TMEM184A: variants seen among roughly 807,000 people sequenced by gnomAD.
The protein encoded by TMEM184A is sexually dimorphic, expressed in male gonads 1.
In TMEM184A, 40 loss-of-function variants were observed where a neutral mutation model predicts 39.5. The observed-to-expected ratio is 1.01, with a 90% CI of 0.79 to 1.32. TMEM184A has a LOEUF of 1.32. Ranked by LOEUF, TMEM184A falls within the 40% of genes most tolerant of loss-of-function variation. TMEM184A has a pLI of 0.00. For missense variants in TMEM184A, 603 were observed against 568.8 expected, an observed-to-expected ratio of 1.06 and a Z score of -0.61; for synonymous variants, 280 against 252.3, an observed-to-expected ratio of 1.11 and a Z score of -1.04.
Position 1,553,130 on chromosome 7 carries a change from G to A in TMEM184A, c.219+2136C>T, listed in dbSNP as rs535947318. On this transcript the variant is annotated intron_variant, in intron 2 of 8. Coordinates refer to ENST00000297477, the MANE Select transcript of TMEM184A (RefSeq NM_001097620.2). ...CTTTAAACCTTTCTAGATTTTCCAC[G>A]TTTTTATTTTTTTTAATTTTTAATT... is the stretch of plus-strand genomic sequence containing the variant. 3.1e-3 allele frequency among the ~76,000 whole-genome samples: 299 copies of A among 97,942 alleles called. 2 individuals carry two copies. Among genetic ancestry groups the A allele is most frequent in the Non-Finnish European group, 2.9e-3 (126 of 43,736 alleles). The allele number at this position is 97,942 out of a possible 152,430, so 64.3% of individuals were successfully genotyped here. A position where few individuals can be genotyped will look rare whatever the true frequency, so the allele number is the denominator to read the frequency against.
intron 3 of TMEM184A, among the ~76,000 whole-genome samples, 156 bp from the exon 4 acceptor site, chr7:1,550,551 A>AG (rs1784549738): frequency 6.6e-6 from 1 of 152,086 alleles, no homozygotes; most frequent in African/African-American, 2.4e-5. Context: ...CCAGCGGGGC[A>AG]GCCTGAGAGG....
chr7:1,554,497 G>T lies in TMEM184A; in HGVS notation c.219+769C>A, dbSNP rs907748249. ...AAATCCCTGCAGCCGTGTGGCCCTC[G>T]CGGGCCTACACACGCACTCCCACCC... On this transcript the variant is annotated intron_variant, in intron 2 of 8. Coordinates refer to ENST00000297477, the MANE Select transcript of TMEM184A (RefSeq NM_001097620.2). Among the ~76,000 whole-genome samples, 3 of 152,256 alleles carry T rather than the reference G, an allele frequency of 2.0e-5. No individual in the cohort carries two copies. The South Asian group carries it at 6.2e-4, about 32-fold the overall frequency.
rs537816722 is a variant in TMEM184A at position 1,554,176 on chromosome 7, C to T, written c.219+1090G>A. Among the ~76,000 whole-genome samples the T allele has an allele frequency of 1.9e-3, 292 of 152,318 alleles. 1 individual carries two copies. The highest frequency in any genetic ancestry group is 3.7e-3 in the Non-Finnish European group (250 of 68,014). On this transcript the variant is annotated intron_variant, in intron 2 of 8. Coordinates refer to ENST00000297477, the MANE Select transcript of TMEM184A (RefSeq NM_001097620.2). ...CCTTGAACTGGGCTCAAGCGATCCTCCCATCTCAGCCTCCCAAGTAGCTGG... is the reference window on the plus strand; with the variant it reads ...CCTTGAACTGGGCTCAAGCGATCCTTCCATCTCAGCCTCCCAAGTAGCTGG...
At chr7:1,548,802 T>C (rs747327505) in intron 6 of TMEM184A, 114 bp from the exon 7 acceptor site, 209 of 1,261,956 alleles carry the variant, frequency 1.7e-4, no homozygotes, top group Non-Finnish European at 2.2e-4. Flanking sequence ...CTTGGGAGCA[T>C]GGGCCCTGCA....
rs543362663 is a variant in TMEM184A, at chr7:1,547,752, C to T, written c.1002G>A (p.Glu334=). ...FPCQVYAEKK[E]NSPAPPAPMQ... ...GAAGGCAGGGTGTACCTGGTGAATTCTCCTTCTTCTCTGCGTACACCTGGC... is the reference window on the plus strand; with the variant it reads ...GAAGGCAGGGTGTACCTGGTGAATTTTCCTTCTTCTCTGCGTACACCTGGC... The change falls in exon 8 of 9, where the codon GAG becomes GAA. Residue 334 remains glutamate (E), a synonymous_variant. Coordinates refer to ENST00000297477, the MANE Select transcript of TMEM184A (RefSeq NM_001097620.2). 1.2e-6 allele frequency: 2 copies of T among 1,612,332 alleles called. No homozygotes were observed. Among genetic ancestry groups the T allele is most frequent in the East Asian group, 2.2e-5 (1 of 44,850 alleles).
Position 1,555,562 on chromosome 7 carries a change from G to A in TMEM184A, c.1-78C>T. The A allele has an allele frequency of 9.0e-7, 1 of 1,111,514 alleles. No individual in the cohort carries two copies. Among genetic ancestry groups the A allele is most frequent in the Non-Finnish European group, 1.3e-6 (1 of 743,290 alleles). The allele number at this position is 1,111,514 out of a possible 1,614,324, so 68.9% of individuals were successfully genotyped here. ...CTCCCGGCAGCAGGAAGCAGCGGGG[G>A]AGGGAGGAGACAGTGAGACGGGAGC... is the stretch of plus-strand genomic sequence containing the variant. On this transcript the variant is annotated intron_variant, in intron 1 of 8. Transcript: ENST00000297477. The surrounding 1 kb of genome is among the most constrained non-coding windows in gnomAD (Gnocchi z 5.2).
At chr7:1,553,789 G>A (rs1371109107) in intron 2 of TMEM184A, among the ~76,000 whole-genome samples, 4 of 152,058 alleles carry the variant, frequency 2.6e-5, no homozygotes, top group African/African-American at 4.8e-5. Context: ...CTCCGGCCTC[G>A]GTCCTCCCAT....
chr7:1,555,407 T>TG lies in TMEM184A; in HGVS notation c.77dup (p.Pro27ThrfsTer126), dbSNP rs757773044. On this transcript the variant is annotated frameshift_variant, in exon 2 of 9. Transcript: ENST00000297477. LOFTEE classifies it high-confidence loss of function. This position sits in a 1 kb window ranked among gnomAD's most constrained non-coding sequence, Gnocchi z 5.2. ...TCTGCGGCCCAGCTGGCACAGCCGG[T>TG]GGGGGGCTGGGCTGCGGCCAGTTCG... The TG allele has an allele frequency of 1.2e-6, 2 of 1,610,982 alleles. No individual in the cohort carries two copies.
chr7:1,550,475 G>A (rs1784545922), intron 3 of TMEM184A, 80 bp from the exon 4 acceptor site: 1 of 1,229,040 alleles, frequency 8.1e-7, no homozygotes, highest in Admixed American at 2.2e-5. Flanking sequence ...ACCAGGGCAG[G>A]AGGAGGCTCG....
At position 1,548,594 on chromosome 7, in the gene TMEM184A, C is replaced by A; in HGVS notation, c.739G>T (p.Glu247Ter). The A allele has an allele frequency of 6.2e-7, 1 of 1,613,848 alleles. No homozygotes were observed. The highest frequency in any genetic ancestry group is 2.2e-5 in the East Asian group (1 of 44,878). ...ACGGGCTGGAAGGGCCGCAGGAGCT[C>A]CCTGGTGGTGAAGTAGAAGAGGAAC... ...ALFLFYFTTR[E>*]LLRPFQPVLK... The change falls in exon 7 of 9, where the codon GAG becomes TAG. Residue 247 changes from glutamate (E) to a stop codon, truncating the protein, a stop_gained. Transcript: ENST00000297477. LOFTEE classifies it high-confidence loss of function.
chr7:1,554,314 G>A (rs1474846226), intron 2 of TMEM184A, among the ~76,000 whole-genome samples: 1 of 152,000 alleles, frequency 6.6e-6, no homozygotes, highest in African/African-American at 2.4e-5. Context: ...GTCTCCTGAT[G>A]GCCCCCTGCC....
Position 1,546,656 on chromosome 7 carries a change from G to A in TMEM184A, c.*296C>T, listed in dbSNP as rs1053032103. 3.8e-5 allele frequency: 14 copies of A among 366,936 alleles called. No individual in the cohort carries two copies. In the East Asian group the frequency reaches 4.6e-4, roughly 12 times the overall value. The allele number at this position is 366,936 out of a possible 1,614,324, so 22.7% of individuals were successfully genotyped here. A position where few individuals can be genotyped will look rare whatever the true frequency, so the allele number is the denominator to read the frequency against. On this transcript the variant is annotated 3_prime_UTR_variant, in exon 9 of 9. Coordinates refer to ENST00000297477, the MANE Select transcript of TMEM184A (RefSeq NM_001097620.2). ...GGCCCCGCAGCCACACTCACTCTCC[G>A]CCCCACAGTGGCTCCTGGGGCTGAT...
At position 1,546,292 on chromosome 7, in the gene TMEM184A, C is replaced by T. The variant is rs1408465113; in HGVS notation, c.*660G>A. On this transcript the variant is annotated 3_prime_UTR_variant, in exon 9 of 9. Coordinates refer to ENST00000297477, the MANE Select transcript of TMEM184A (RefSeq NM_001097620.2). ...CCACAGCCCCACGGTGCTGGCCAGC[C>T]TCACAGGTGCCCGCTGGTTCTGTGA... 1.3e-5 allele frequency: 2 copies of T among 152,558 alleles called. No individual in the cohort carries two copies. Among genetic ancestry groups the T allele is most frequent in the Admixed American group, 6.5e-5 (1 of 15,286 alleles). 9.5% of individuals were successfully genotyped at this position (152,558 alleles called of 1,614,324 possible). A position where few individuals can be genotyped will look rare whatever the true frequency, so the allele number is the denominator to read the frequency against.
At position 1,546,476 on chromosome 7, in the gene TMEM184A, T is replaced by A. The variant is rs1489857858; in HGVS notation, c.*476A>T. ...CCAGCCTGTGTGGACCCCGCCGGCC[T>A]GCGGCGCCCGGAGCTGCTGACTGTG... On this transcript the variant is annotated 3_prime_UTR_variant, in exon 9 of 9. Transcript: ENST00000297477. The A allele has an allele frequency of 6.5e-6, 1 of 154,246 alleles. No individual in the cohort carries two copies. The highest frequency in any genetic ancestry group is 1.4e-5 in the Non-Finnish European group (1 of 69,422). 9.6% of individuals were successfully genotyped at this position (154,246 alleles called of 1,614,324 possible).
Position 1,549,921 on chromosome 7 carries a change from T to C in TMEM184A, c.577A>G (p.Lys193Glu). 6.2e-7 allele frequency: 1 copy of C among 1,612,814 alleles called. No homozygotes were observed. Among genetic ancestry groups the C allele is most frequent in the Middle Eastern group, 1.6e-4 (1 of 6,062 alleles). ...ATGGTGGTGACGGCCATGACGGGCT[T>C]CACCAGGCAGAACTGCAGAGTGGCC... ...KQATLQFCLV[K>E]PVMAVTTIIL... Residue 193 changes from lysine to glutamate, a missense_variant, in exon 6 of 9, where the codon AAG becomes GAG. By Grantham distance (56) the Lys-to-Glu change is moderately conservative. Transcript: ENST00000297477.
At chr7:1,549,549 C>T in intron 6 of TMEM184A, 1 of 526,472 alleles carries the variant, frequency 1.9e-6, no homozygotes, top group African/African-American at 1.9e-5. Flanking sequence ...AGACTCACCC[C>T]AGCCGTGTCC....
intron 2 of TMEM184A, among the ~76,000 whole-genome samples, chr7:1,552,089 C>T (rs1285756489): frequency 6.6e-6 from 1 of 152,090 alleles, no homozygotes; most frequent in Admixed American, 6.5e-5. Flanking sequence ...AGTGATCTGC[C>T]TACCTCAGCC....
chr7:1,549,959 C>T lies in TMEM184A; in HGVS notation c.553-14G>A. The T allele has an allele frequency of 6.2e-7, 1 of 1,612,022 alleles. No individual in the cohort carries two copies. Among genetic ancestry groups the T allele is most frequent in the Non-Finnish European group, 8.5e-7 (1 of 1,179,366 alleles). On this transcript the variant is annotated splice_polypyrimidine_tract_variant and intron_variant, in intron 5 of 8. Transcript: ENST00000297477. ...CTGCAGAGTGGCCTGGGGGCGACGG[C>T]ACCCGGTGGGCCTGGGGCCAGGTCC... is the stretch of plus-strand genomic sequence containing the variant.
At position 1,548,559 on chromosome 7, in the gene TMEM184A, G is replaced by A; in HGVS notation, c.774C>T (p.Phe258=). 6.2e-7 allele frequency: 1 copy of A among 1,613,774 alleles called. No homozygotes were observed. The highest frequency in any genetic ancestry group is 8.5e-7 in the Non-Finnish European group (1 of 1,179,954). The stretch of plus-strand genomic sequence containing the variant: ...GGAAGATGACGGCTTTGATGGTGAG[G>A]AACTTGAGGACGGGCTGGAAGGGCC... ...LLRPFQPVLK[F]LTIKAVIFLS... is the part of the protein sequence containing the mutation. The change falls in exon 7 of 9, where the codon TTC becomes TTT. Residue 258 remains phenylalanine, a synonymous_variant. Transcript: ENST00000297477.
Sources: gnomAD v4.1 joint callset for allele counts (sites outside exome capture counted in the v4.1 genomes callset) on GRCh38, gnomAD v4.1.1 for gene constraint, Gnocchi (gnomAD v3.1) non-coding constraint, MANE v1.5 for transcripts, NCBI Gene and HGNC (gene_info 2026-07-23, HGNC 2026-07-21) for gene names.